Variants in GRPEL2 observed in about 807,000 individuals in gnomAD.
The protein encoded by GRPEL2 is GrpE like 2, mitochondrial.
Under a neutral mutation model 25.9 loss-of-function variants are expected in GRPEL2, and 18 were observed. That is an observed-to-expected ratio of 0.70 (90% CI 0.48 to 1.03). GRPEL2 has a LOEUF of 1.03. Among genes scored for constraint, GRPEL2 ranks in the 50% least tolerant of loss-of-function variants. GRPEL2 has a pLI of 0.00. For missense variants in GRPEL2, 247 were observed against 276.2 expected (o/e 0.89, Z 0.75); for synonymous variants, 106 against 107.9 (o/e 0.98, Z 0.11).
chr5:149,348,913 T>C (rs899129210), intron 2 of GRPEL2, among the ~76,000 whole-genome samples: 1 of 151,848 alleles, frequency 6.6e-6, no homozygotes, highest in Admixed American at 6.6e-5. Context: ...TGACAGCAAT[T>C]GAAAGAACCA....
chr5:149,350,332 C>T (rs920584873), intron 3 of GRPEL2, among the ~76,000 whole-genome samples: 2 of 152,192 alleles, frequency 1.3e-5, no homozygotes, highest in African/African-American at 4.8e-5. Context: ...AAAAATCAGA[C>T]AAGTTTTGTG....
chr5:149,351,221 A>G lies in GRPEL2; in HGVS notation c.617A>G (p.His206Arg), dbSNP rs148109896. ...GTAAGACAAGATGGCTACAAACTTC[A>G]TGGCCGCACCATTAGGCTTGCCCGA... ...ALVRQDGYKL[H>R]GRTIRLARVE... is the part of the protein sequence containing the mutation. The change falls in exon 4 of 4, where the codon CAT (histidine) becomes CGT (arginine). Residue 206 changes from histidine to arginine, a missense_variant. His to Arg is a conservative substitution (Grantham distance 29). Transcript: ENST00000329271. 1.7e-4 allele frequency: 267 copies of G among 1,614,014 alleles called. No homozygotes were observed. The highest frequency in any genetic ancestry group is 2.1e-4 in the Non-Finnish European group (248 of 1,180,010).
In GRPEL2 at chr5:149,348,465, A is replaced by C. The variant is rs189278727; in HGVS notation, c.231+40A>C. 3 of 1,500,512 alleles carry C rather than the reference A, an allele frequency of 2.0e-6. No homozygotes were observed. In the Admixed American group the frequency reaches 6.8e-5, roughly 34 times the overall value. 92.9% of individuals were successfully genotyped at this position (1,500,512 alleles called of 1,614,324 possible). On this transcript the variant is annotated intron_variant, in intron 2 of 3. Coordinates refer to ENST00000329271, the MANE Select transcript of GRPEL2 (RefSeq NM_152407.4). ...TATTTCTTCTTCATATCCTCTCTCT[A>C]GTTTAAATATCCACATAAAGTTTTT... is the stretch of plus-strand genomic sequence containing the variant.
chr5:149,347,401 A>AT (rs1017072582), intron 1 of GRPEL2, among the ~76,000 whole-genome samples: 1 of 152,158 alleles, frequency 6.6e-6, no homozygotes, highest in African/African-American at 2.4e-5. Context: ...TCACAGATTG[A>AT]TTTTCAAGAT....
chr5:149,347,801 C>T (rs1029011472), intron 1 of GRPEL2, among the ~76,000 whole-genome samples: 2 of 152,184 alleles, frequency 1.3e-5, no homozygotes, highest in African/African-American at 4.8e-5. Context: ...TAATTTCCCT[C>T]ATCTGTAAGT....
Position 149,353,515 on chromosome 5 carries a change from T to C in GRPEL2, c.*2233T>C, listed in dbSNP as rs1429996401. ...GATCCTCCCACCTCAGCCTACCAAG[T>C]AGCCAGGACCACAGGCAAGTGCACC... On this transcript the variant is annotated 3_prime_UTR_variant, in exon 4 of 4. Transcript: ENST00000329271. The C allele has an allele frequency of 6.6e-6, 1 of 152,180 alleles. No individual in the cohort carries two copies. Among genetic ancestry groups the C allele is most frequent in the Non-Finnish European group, 1.5e-5 (1 of 68,026 alleles). 9.4% of individuals were successfully genotyped at this position (152,180 alleles called of 1,614,324 possible).
chr5:149,346,604 C>G (rs374691850), intron 1 of GRPEL2, among the ~76,000 whole-genome samples: 6 of 151,738 alleles, frequency 4.0e-5, no homozygotes, highest in South Asian at 2.1e-4. Context: ...TTCTGGTAAG[C>G]TGTCTCCCTA....
chr5:149,352,835 A>G lies in GRPEL2; in HGVS notation c.*1553A>G, dbSNP rs1245231887. 5 of 152,224 alleles carry G rather than the reference A, an allele frequency of 3.3e-5. No individual in the cohort carries two copies. The highest frequency in any genetic ancestry group is 2.6e-4 in the Admixed American group (4 of 15,286). 9.4% of individuals were successfully genotyped at this position (152,224 alleles called of 1,614,324 possible). On this transcript the variant is annotated 3_prime_UTR_variant, in exon 4 of 4. Transcript: ENST00000329271. ...TGACTAAATTCCAGTGAGAGTATGAATGAAGAACAACTAGATATTAATGTC... is the reference window on the plus strand; with the variant it reads ...TGACTAAATTCCAGTGAGAGTATGAGTGAAGAACAACTAGATATTAATGTC...
At chr5:149,346,471 T>C (rs1047096548) in intron 1 of GRPEL2, among the ~76,000 whole-genome samples, 4 of 152,152 alleles carry the variant, frequency 2.6e-5, no homozygotes, top group African/African-American at 7.2e-5. Context: ...CCCAACATCC[T>C]ACCCTAGCAC....
At chr5:149,350,831 G>T in intron 3 of GRPEL2, 87 bp from the exon 4 acceptor site, 1 of 1,374,518 alleles carries the variant, frequency 7.3e-7, no homozygotes, top group Non-Finnish European at 1.0e-6. Context: ...CAGCATACTA[G>T]CCGTCTATCT....
chr5:149,348,294 A>G lies in GRPEL2; in HGVS notation c.100A>G (p.Thr34Ala). The G allele has an allele frequency of 6.2e-7, 1 of 1,607,932 alleles. No homozygotes were observed. Among genetic ancestry groups the G allele is most frequent in the Non-Finnish European group, 8.5e-7 (1 of 1,178,562 alleles). ...ESKGWPLPFS[T>A]ATQRTAGEDC... Reference sequence around the variant, plus strand: ...TAGGGGATGGCCGCTTCCATTCAGCACTGCCACCCAGAGAACTGCTGGTGA... The same window carrying G: ...TAGGGGATGGCCGCTTCCATTCAGCGCTGCCACCCAGAGAACTGCTGGTGA... The change falls in exon 2 of 4, where the codon ACT becomes GCT. Residue 34 changes from threonine (T) to alanine (A), a missense_variant. Physicochemically the swap from Thr to Ala is moderately conservative, Grantham distance 58 (BLOSUM62 0). This residue lies in a region of GRPEL2 where 125 missense variants were observed against 107.0 expected (regional missense o/e 1.17). Coordinates refer to ENST00000329271, the MANE Select transcript of GRPEL2 (RefSeq NM_152407.4).
rs1581360659 is a variant in GRPEL2 at position 149,353,951 on chromosome 5, C to T, written c.*2669C>T. 6.6e-6 allele frequency: 1 copy of T among 152,332 alleles called. No homozygotes were observed. Among genetic ancestry groups the T allele is most frequent in the East Asian group, 1.9e-4 (1 of 5,190 alleles). The allele number at this position is 152,332 out of a possible 1,614,324, so 9.4% of individuals were successfully genotyped here. On this transcript the variant is annotated 3_prime_UTR_variant, in exon 4 of 4. Transcript: ENST00000329271. ...TAAAATGATTATAATAATTCTTTCA[C>T]AGCGTTGTGAGGATTAAGTGAAATG...
intron 3 of GRPEL2, 35 bp from the exon 4 acceptor site, chr5:149,350,883 C>T: frequency 6.2e-7 from 1 of 1,604,496 alleles, no homozygotes; most frequent in South Asian, 1.1e-5. Context: ...GAGTGATTTC[C>T]TCACAAACAA....
intron 2 of GRPEL2, among the ~76,000 whole-genome samples, chr5:149,349,187 G>C (rs780545934): frequency 6.6e-6 from 1 of 152,002 alleles, no homozygotes; most frequent in African/African-American, 2.4e-5. Context: ...GTAGAGACAG[G>C]GTTTTACCAT....
intron 2 of GRPEL2, 130 bp from the exon 3 acceptor site, chr5:149,349,524 T>C: frequency 3.1e-6 from 2 of 653,172 alleles, no homozygotes; most frequent in African/African-American, 1.8e-5. Context: ...TGATCTAAGA[T>C]TTCTGTAACT....
intron 1 of GRPEL2, among the ~76,000 whole-genome samples, chr5:149,347,114 C>T (rs1757703533): frequency 6.6e-6 from 1 of 152,112 alleles, no homozygotes; most frequent in Admixed American, 6.5e-5. Flanking sequence ...AGCCCCAGAT[C>T]TACGGTGACC....
intron 3 of GRPEL2, 37 bp downstream of exon 3, chr5:149,349,772 G>T: frequency 6.8e-7 from 1 of 1,465,602 alleles, no homozygotes; most frequent in Non-Finnish European, 9.5e-7. Context: ...GTCTTTGGTT[G>T]GGCACAGTGG....
At position 149,345,560 on chromosome 5, in the gene GRPEL2, G is replaced by C; in HGVS notation, c.21G>C (p.Trp7Cys). 1 of 1,611,970 alleles carries C rather than the reference G, an allele frequency of 6.2e-7. No individual in the cohort carries two copies. The highest frequency in any genetic ancestry group is 8.5e-7 in the Non-Finnish European group (1 of 1,179,326). Residue 7 changes from tryptophan (W) to cysteine (C), a missense_variant, in exon 1 of 4, where the codon TGG becomes TGC. This residue lies in a region of GRPEL2 where 125 missense variants were observed against 107.0 expected (regional missense o/e 1.17). Coordinates refer to ENST00000329271, the MANE Select transcript of GRPEL2 (RefSeq NM_152407.4). Reference protein sequence around the residue: MAVRSLWAGRLRVQRLL... With the variant: MAVRSLCAGRLRVQRLL... ...GAAACATGGCCGTACGGTCGCTGTG[G>C]GCGGGCCGGCTGCGGGTGCAGCGCC...
At chr5:149,346,715 ATTTTTTTTTTTTTTTTTTTTTTTTTTTTT>A (rs34300270) in intron 1 of GRPEL2, among the ~76,000 whole-genome samples, 11 of 59,262 alleles carry the variant, frequency 1.9e-4, no homozygotes, top group African/African-American at 9.0e-4. Context: ...GGCCCTGAGA[ATTTTTTTTTTTTTTTTTTTTTTTTTTTTT>A]TTTTTTTTTT....
Sources: gnomAD v4.1 joint callset for allele counts (sites outside exome capture counted in the v4.1 genomes callset) on GRCh38, gnomAD v4.1.1 for gene constraint, gnomAD v4.1.1 regional missense constraint, MANE v1.5 for transcripts, NCBI Gene and HGNC (gene_info 2026-07-23, HGNC 2026-07-21) for gene names.